KAZN: variants seen among roughly 807,000 people sequenced by gnomAD.
KAZN encodes the protein kazrin.
KAZN carries 40 observed loss-of-function variants against 87.4 expected under a neutral mutation model. The observed-to-expected ratio is 0.46, with a 90% CI of 0.36 to 0.60. The LOEUF is 0.60. Ranked by LOEUF, KAZN falls within the 20% of genes least tolerant of loss-of-function variation. KAZN has a pLI of 0.00. For missense variants in KAZN, 898 were observed against 1,073.9 expected (o/e 0.84, Z 2.29); for synonymous variants, 466 against 458.3 (o/e 1.02, Z -0.22).
intron 1 of KAZN, among the ~76,000 whole-genome samples, chr1:14,768,535 C>T (rs557125390): frequency 1.1e-3 from 161 of 152,168 alleles, no homozygotes; most frequent in Non-Finnish European, 1.5e-3. Flanking sequence ...TTCAAACAGA[C>T]GTAAGATTTC....
intron 1 of KAZN, among the ~76,000 whole-genome samples, chr1:14,890,840 C>CTTTTTTTTTTT (rs34718502): frequency 1.4e-5 from 1 of 69,676 alleles, no homozygotes; most frequent in Non-Finnish European, 2.5e-5. Flanking sequence ...GGAATCTGGA[C>CTTTTTTTTTTT]TTTTTTTTTT....
rs781405390 is a variant in KAZN, at chr1:15,056,876, T to C, written c.916+596T>C. Reference sequence around the variant, plus strand: ...CTGCCCATGGAACAGGCTCCAAACTTCTCGCTGTCCTGTTGCACGTCTGCA... The same window carrying C: ...CTGCCCATGGAACAGGCTCCAAACTCCTCGCTGTCCTGTTGCACGTCTGCA... On this transcript the variant is annotated intron_variant, in intron 5 of 14. Coordinates refer to ENST00000376030, the MANE Select transcript of KAZN (RefSeq NM_201628.3). The surrounding 1 kb of genome is among the most constrained non-coding windows in gnomAD (Gnocchi z 5.4). 2.0e-5 allele frequency among the ~76,000 whole-genome samples: 3 copies of C among 152,216 alleles called. No homozygotes were observed. The highest frequency in any genetic ancestry group is 4.4e-5 in the Non-Finnish European group (3 of 68,032).
At chr1:14,153,245 G>A (rs111839207) in intron 1 of KAZN, among the ~76,000 whole-genome samples, 254 of 152,212 alleles carry the variant, frequency 1.7e-3, no homozygotes, top group African/African-American at 5.9e-3. Flanking sequence ...CTATGCTTGT[G>A]GGGTATCATT....
chr1:14,308,883 G>A (rs1655104305), intron 2 of KAZN, among the ~76,000 whole-genome samples: 1 of 152,196 alleles, frequency 6.6e-6, no homozygotes, highest in Admixed American at 6.5e-5. Flanking sequence ...TTTCCAGGGT[G>A]CAGCTCTAAA....
chr1:14,271,894 A>G (rs1651970715), intron 2 of KAZN, among the ~76,000 whole-genome samples: 1 of 152,206 alleles, frequency 6.6e-6, no homozygotes, highest in Admixed American at 6.5e-5. Context: ...AGGAATTCCC[A>G]TGTAAGGGAC....
intron 2 of KAZN, among the ~76,000 whole-genome samples, chr1:14,238,108 T>G (rs2100566380): frequency 6.6e-6 from 1 of 152,302 alleles, no homozygotes; most frequent in Middle Eastern, 3.4e-3. Flanking sequence ...ATTCATGGTG[T>G]TGAGTATATT....
intron 1 of KAZN, among the ~76,000 whole-genome samples, chr1:14,668,182 G>A (rs12058240): frequency 0.028 from 4,224 of 152,164 alleles, 209 homozygotes; most frequent in African/African-American, 0.097. Flanking sequence ...GAGAAACCTG[G>A]GAACTTCATA....
intron 2 of KAZN, among the ~76,000 whole-genome samples, chr1:14,306,124 G>A (rs947339868): frequency 6.6e-6 from 1 of 152,190 alleles, no homozygotes; most frequent in African/African-American, 2.4e-5. Context: ...GGCAGACATC[G>A]TTAATGGAAT....
intron 2 of KAZN, among the ~76,000 whole-genome samples, chr1:14,421,401 C>T (rs1665418394): frequency 6.6e-6 from 1 of 152,082 alleles, no homozygotes; most frequent in Non-Finnish European, 1.5e-5. Context: ...TTGAAGTCTC[C>T]ATCCAAGAAG....
chr1:14,986,292 C>T (rs771223917), intron 2 of KAZN, among the ~76,000 whole-genome samples: 27 of 152,128 alleles, frequency 1.8e-4, no homozygotes, highest in Non-Finnish European at 3.5e-4. Context: ...GGGCGGTCCT[C>T]GTCCTGAGTG....
Position 14,773,392 on chromosome 1 carries a change from C to T in KAZN, c.226+174169C>T, listed in dbSNP as rs540996385. ...TTCAAATGGCTTTCAACAACGCCCTCCACTCCACGGGGTCTCCCTTCTTGT... is the reference window on the plus strand; with the variant it reads ...TTCAAATGGCTTTCAACAACGCCCTTCACTCCACGGGGTCTCCCTTCTTGT... On this transcript the variant is annotated intron_variant, in intron 1 of 14. Transcript: ENST00000376030. This position sits in a 1 kb window ranked among gnomAD's most constrained non-coding sequence, Gnocchi z 5.9. Among the ~76,000 whole-genome samples, 1 of 152,272 alleles carries T rather than the reference C, an allele frequency of 6.6e-6. No individual in the cohort carries two copies. The highest frequency in any genetic ancestry group is 6.5e-5 in the Admixed American group (1 of 15,302).
At chr1:14,044,943 A>T (rs964322220) in intron 1 of KAZN, among the ~76,000 whole-genome samples, 5 of 152,124 alleles carry the variant, frequency 3.3e-5, no homozygotes, top group Non-Finnish European at 2.9e-5. Flanking sequence ...TCTGGGGAAA[A>T]CCAGTAGCCA....
At chr1:14,496,232 C>T (rs1218014408) in intron 2 of KAZN, among the ~76,000 whole-genome samples, 1 of 152,140 alleles carries the variant, frequency 6.6e-6, no homozygotes, top group Non-Finnish European at 1.5e-5. Flanking sequence ...ATAAAAAATC[C>T]CTGCTGTGAA....
chr1:14,866,325 C>T (rs950561960), intron 1 of KAZN, among the ~76,000 whole-genome samples: 2 of 152,230 alleles, frequency 1.3e-5, no homozygotes, highest in African/African-American at 4.8e-5. Context: ...CCCGATCTCC[C>T]TGAGTTTTGG....
chr1:14,813,520 G>T (rs1646474791), intron 1 of KAZN, among the ~76,000 whole-genome samples: 1 of 152,168 alleles, frequency 6.6e-6, no homozygotes, highest in Admixed American at 6.5e-5. Context: ...GGATCTTCTG[G>T]TTCCCATTTG....
intron 1 of KAZN, among the ~76,000 whole-genome samples, chr1:14,603,954 A>G (rs544949888): frequency 1.9e-3 from 286 of 152,240 alleles, no homozygotes; most frequent in African/African-American, 6.5e-3. Context: ...TTTATGTATT[A>G]TAAATCTATA....
rs950148845 is a variant in KAZN, at chr1:14,565,419, A to T, written c.250-33564A>T. 2.0e-5 allele frequency among the ~76,000 whole-genome samples: 3 copies of T among 152,232 alleles called. 1 individual carries two copies. Among genetic ancestry groups the T allele is most frequent in the South Asian group, 4.1e-4 (2 of 4,826 alleles). On this transcript the variant is annotated intron_variant, in intron 2 of 16. Coordinates refer to the KAZN transcript ENST00000636203. Reference sequence around the variant, plus strand: ...TTTATTCCTAAAAAAAATGCTAATGATCACCTGAGCCTTTAGCAAACTGTA... The same window carrying T: ...TTTATTCCTAAAAAAAATGCTAATGTTCACCTGAGCCTTTAGCAAACTGTA...
intron 2 of KAZN, among the ~76,000 whole-genome samples, chr1:14,288,601 C>G (rs1444116333): frequency 1.3e-5 from 2 of 152,076 alleles, no homozygotes; most frequent in East Asian, 3.9e-4. Flanking sequence ...AGTGGTCTAT[C>G]AATTTTGTTC....
rs554138914 is a variant in KAZN at position 14,413,153 on chromosome 1, A to G, written c.250-185830A>G. ...TAGATTAGATACCTACTAGATAGAG[A>G]TTAGATATCTATTAGATAGAGGTGA... On this transcript the variant is annotated intron_variant, in intron 2 of 16. Coordinates refer to the KAZN transcript ENST00000636203. Among the ~76,000 whole-genome samples, 18 of 151,292 alleles carry G rather than the reference A, an allele frequency of 1.2e-4. No individual in the cohort carries two copies. In the South Asian group the frequency reaches 3.5e-3, roughly 30 times the overall value.
Sources: gnomAD v4.1 joint callset for allele counts (sites outside exome capture counted in the v4.1 genomes callset) on GRCh38, gnomAD v4.1.1 for gene constraint, Gnocchi (gnomAD v3.1) non-coding constraint, MANE v1.5 for transcripts, NCBI Gene and HGNC (gene_info 2026-07-23, HGNC 2026-07-21) for gene names.